Variants in NFIA observed in about 807,000 individuals in gnomAD.
The protein encoded by NFIA is nuclear factor 1 A-type.
In NFIA, 8 loss-of-function variants were observed where a neutral mutation model predicts 62.8. That is an observed-to-expected ratio of 0.13 (90% confidence interval 0.07 to 0.23). The LOEUF (loss-of-function observed/expected upper bound fraction) is 0.23. Among genes scored for constraint, NFIA ranks in the 10% least tolerant of loss-of-function variants. NFIA has a pLI of 1.00. For missense variants in NFIA, 410 were observed against 642.1 expected, an observed-to-expected ratio of 0.64 and a Z score of 3.91; for synonymous variants, 235 against 238.1, an observed-to-expected ratio of 0.99 and a Z score of 0.12.
At chr1:61,294,453 C>CA (rs1179850071) in intron 3 of NFIA, among the ~76,000 whole-genome samples, 4 of 150,584 alleles carry the variant, frequency 2.7e-5, no homozygotes, top group Admixed American at 6.6e-5. Context: ...GCTGTTTCAC[C>CA]AAAAAAAAAG....
rs1444334342 is a variant in NFIA at position 61,456,717 on chromosome 1, G to A, written c.*1397G>A. On this transcript the variant is annotated 3_prime_UTR_variant, in exon 11 of 11. Transcript: ENST00000403491. The stretch of plus-strand genomic sequence containing the variant: ...TGATGAAACCAATACTGACACAAAT[G>A]CTGGTGCCCATTCAGATCAAGGGTA... 1 of 145,914 alleles carries A rather than the reference G, an allele frequency of 6.9e-6. No homozygotes were observed. Among genetic ancestry groups the A allele is most frequent in the African/African-American group, 2.5e-5 (1 of 39,426 alleles). The allele number at this position is 145,914 out of a possible 1,614,324, so 9.0% of individuals were successfully genotyped here. A position where few individuals can be genotyped will look rare whatever the true frequency, so the allele number is the denominator to read the frequency against.
intron 2 of NFIA, among the ~76,000 whole-genome samples, chr1:61,269,625 T>G (rs938374325): frequency 1.3e-5 from 2 of 152,186 alleles, no homozygotes; most frequent in Admixed American, 1.3e-4. Context: ...ATGGTCACTG[T>G]TCATTTTCAC....
At chr1:61,199,999 AATATATATATGT>A (rs1557631666) in intron 2 of NFIA, among the ~76,000 whole-genome samples, 2 of 116,288 alleles carry the variant, frequency 1.7e-5, no homozygotes, top group African/African-American at 3.5e-5. Flanking sequence ...CAACTCACAA[AATATATATATGT>A]ATATATATAT....
intron 2 of NFIA, among the ~76,000 whole-genome samples, chr1:61,142,715 C>T (rs533675616): frequency 7.9e-4 from 120 of 152,316 alleles, no homozygotes; most frequent in Non-Finnish European, 1.2e-3. Flanking sequence ...TACTAACTTT[C>T]ACTGAAGTGT....
intron 2 of NFIA, among the ~76,000 whole-genome samples, chr1:61,096,250 G>T (rs534703020): frequency 2.0e-5 from 3 of 152,102 alleles, no homozygotes; most frequent in African/African-American, 7.2e-5. Flanking sequence ...TTTAGCCCTT[G>T]TTTTCTAGGC....
chr1:61,106,220 C>G (rs933470404), intron 2 of NFIA, among the ~76,000 whole-genome samples: 49 of 151,770 alleles, frequency 3.2e-4, no homozygotes, highest in African/African-American at 1.2e-3. Context: ...TACAGCACAG[C>G]TATTTACAGC....
chr1:61,344,354 C>G (rs1662096988), intron 4 of NFIA, among the ~76,000 whole-genome samples: 1 of 152,202 alleles, frequency 6.6e-6, no homozygotes, highest in Admixed American at 6.5e-5. Context: ...TGTGCTGGGT[C>G]CATAGAACTC....
Position 61,283,595 on chromosome 1 carries a change from A to AAAAAAAAAAG in NFIA, c.625+6019_625+6020insGAAAAAAAAA, listed in dbSNP as rs1553168477. 4.0e-4 allele frequency among the ~76,000 whole-genome samples: 35 copies of AAAAAAAAAAG among 87,152 alleles called. 1 individual carries two copies. The highest frequency in any genetic ancestry group is 2.5e-3 in the South Asian group (6 of 2,430). The allele number at this position is 87,152 out of a possible 152,430, so 57.2% of individuals were successfully genotyped here. On this transcript the variant is annotated intron_variant, in intron 3 of 10. Transcript: ENST00000403491. Reference sequence around the variant, plus strand: ...AGACTCTGTCTCAAAAAAAAAAAAAAAAAAAAAAAAAAAGATTTATGTGTA... The same window carrying AAAAAAAAAAG: ...AGACTCTGTCTCAAAAAAAAAAAAAAAAAAAAAAAGAAAAAAAAAAAAAGATTTATGTGTA...
At chr1:61,412,652 A>G (rs1666157188) in intron 9 of NFIA, among the ~76,000 whole-genome samples, 1 of 152,200 alleles carries the variant, frequency 6.6e-6, no homozygotes, top group Admixed American at 6.5e-5. Context: ...CCTATTAGAC[A>G]TCTTACTGCT....
chr1:61,234,538 C>T (rs1290659260), intron 2 of NFIA, among the ~76,000 whole-genome samples: 1 of 152,124 alleles, frequency 6.6e-6, no homozygotes. Flanking sequence ...TTTCTACCCA[C>T]CTACCATATT....
chr1:61,387,116 G>A (rs550600443), intron 7 of NFIA, among the ~76,000 whole-genome samples: 1 of 152,192 alleles, frequency 6.6e-6, no homozygotes, highest in African/African-American at 2.4e-5. Flanking sequence ...GATCCTAGAG[G>A]GCCACAGACA....
At chr1:61,401,469 TGAG>T (rs1421484125) in intron 7 of NFIA, among the ~76,000 whole-genome samples, 3 of 152,230 alleles carry the variant, frequency 2.0e-5, no homozygotes, top group African/African-American at 7.2e-5. Flanking sequence ...TAACAGTTAA[TGAG>T]GAGATGACAG....
intron 3 of NFIA, among the ~76,000 whole-genome samples, chr1:61,328,104 A>ATT (rs59499733): frequency 0.013 from 1,974 of 148,276 alleles, 25 homozygotes; most frequent in Non-Finnish European, 0.02. Flanking sequence ...TTTTGCTGGG[A>ATT]TTTTTTTTTT....
chr1:61,257,638 C>G (rs1656494683), intron 2 of NFIA, among the ~76,000 whole-genome samples: 1 of 151,750 alleles, frequency 6.6e-6, no homozygotes, highest in Non-Finnish European at 1.5e-5. Flanking sequence ...ACACCCAGCT[C>G]TACTGAGTTC....
chr1:61,433,081 T>A (rs541385597), intron 10 of NFIA, among the ~76,000 whole-genome samples: 13 of 152,336 alleles, frequency 8.5e-5, no homozygotes, highest in Admixed American at 7.8e-4. Context: ...GATAGGTTAC[T>A]GACCATTTTC....
chr1:61,205,781 C>T (rs1652850911), intron 2 of NFIA, among the ~76,000 whole-genome samples: 2 of 151,882 alleles, frequency 1.3e-5, no homozygotes, highest in African/African-American at 2.4e-5. Flanking sequence ...AACAGGCTCA[C>T]GTTTAGTCCA....
At chr1:61,201,466 A>G (rs993791233) in intron 2 of NFIA, among the ~76,000 whole-genome samples, 8 of 152,040 alleles carry the variant, frequency 5.3e-5, no homozygotes, top group African/African-American at 1.9e-4. Flanking sequence ...GCTTAAGGCA[A>G]ACTTTAAAAA....
At chr1:61,438,998 GACACACACACACACAC>G (rs3076170) in intron 10 of NFIA, among the ~76,000 whole-genome samples, 7 of 141,878 alleles carry the variant, frequency 4.9e-5, no homozygotes, top group Non-Finnish European at 9.2e-5. Flanking sequence ...CATGCATGCA[GACACACACACACACAC>G]ACACACACAC....
chr1:61,380,359 A>G (rs972652269), intron 6 of NFIA, among the ~76,000 whole-genome samples: 2 of 152,212 alleles, frequency 1.3e-5, no homozygotes, highest in African/African-American at 4.8e-5. Context: ...TAGAAAATAC[A>G]TTGAAATTAA....
Sources: allele counts gnomAD v4.1 joint callset (sites outside exome capture counted in the v4.1 genomes callset), GRCh38; gene constraint gnomAD v4.1.1; transcripts MANE v1.5; gene names NCBI Gene and HGNC (gene_info 2026-07-23, HGNC 2026-07-21).